JAM3: variants seen among roughly 807,000 people sequenced by gnomAD.
JAM3 encodes the protein junctional adhesion molecule C.
In JAM3, 31 loss-of-function variants were observed where a neutral mutation model predicts 39.4. The observed-to-expected ratio is 0.79, with a 90% CI of 0.59 to 1.06. The LOEUF is 1.06. Among genes scored for constraint, JAM3 ranks in the 50% least tolerant of loss-of-function variants. The probability of loss-of-function intolerance (pLI) is 0.00; values close to 1 mark genes in which losing one functional copy is unlikely to be tolerated. For missense variants in JAM3, 455 were observed against 391.4 expected (o/e 1.16, Z -1.37); for synonymous variants, 182 against 148.7 (o/e 1.22, Z -1.63).
chr11:134,134,549 G>A (rs1342541072), intron 1 of JAM3, among the ~76,000 whole-genome samples: 4 of 152,120 alleles, frequency 2.6e-5, no homozygotes, highest in African/African-American at 9.7e-5. Flanking sequence ...TATTTGGATT[G>A]TATAGTAATT....
chr11:134,149,657 C>T lies in JAM3; in HGVS notation c.*476C>T, dbSNP rs749074392. 3.7e-5 allele frequency: 17 copies of T among 457,650 alleles called. No homozygotes were observed. The highest frequency in any genetic ancestry group is 2.3e-4 in the South Asian group (15 of 64,590). 28.3% of individuals were successfully genotyped at this position (457,650 alleles called of 1,614,324 possible). A position where few individuals can be genotyped will look rare whatever the true frequency, so the allele number is the denominator to read the frequency against. ...TTCTTACACAGCAGCCTTACTTCAT[C>T]GGCCCACAGACACCACCGCAGTTTC... On this transcript the variant is annotated 3_prime_UTR_variant, in exon 9 of 9. Coordinates refer to ENST00000299106, the MANE Select transcript of JAM3 (RefSeq NM_032801.5).
intron 3 of JAM3, among the ~76,000 whole-genome samples, chr11:134,141,848 C>A (rs1416660549): frequency 6.6e-6 from 1 of 151,908 alleles, no homozygotes; most frequent in Non-Finnish European, 1.5e-5. Context: ...GGTACACATG[C>A]AGGCTCGTGC....
chr11:134,145,043 A>G (rs1403426558), intron 5 of JAM3, 49 bp downstream of exon 5: 6 of 1,406,112 alleles, frequency 4.3e-6, no homozygotes, highest in Non-Finnish European at 6.1e-6. Context: ...TGTTGGGGCA[A>G]GAGATGCTTA....
intron 1 of JAM3, among the ~76,000 whole-genome samples, chr11:134,082,685 A>G (rs1016551471): frequency 1.3e-5 from 2 of 152,062 alleles, no homozygotes; most frequent in African/African-American, 4.8e-5. Context: ...TGATAAACCT[A>G]TTTCTTTTGC....
At chr11:134,108,008 T>A (rs1942232068) in intron 1 of JAM3, among the ~76,000 whole-genome samples, 1 of 151,494 alleles carries the variant, frequency 6.6e-6, no homozygotes, top group Non-Finnish European at 1.5e-5. Context: ...AACCAGTAAG[T>A]CCAAAAGCTG....
intron 1 of JAM3, among the ~76,000 whole-genome samples, chr11:134,090,727 T>C (rs932084458): frequency 1.3e-5 from 2 of 152,210 alleles, no homozygotes; most frequent in Admixed American, 1.3e-4. Context: ...TGTCTATCTT[T>C]TGAAAACTCC....
chr11:134,107,570 G>T (rs557031142), intron 1 of JAM3, among the ~76,000 whole-genome samples: 1 of 152,274 alleles, frequency 6.6e-6, no homozygotes, highest in South Asian at 2.1e-4. Context: ...CACTAAAGCA[G>T]TAACTAGGGT....
chr11:134,076,351 C>A (rs1228934201), intron 1 of JAM3, among the ~76,000 whole-genome samples: 2 of 151,934 alleles, frequency 1.3e-5, no homozygotes, highest in East Asian at 3.9e-4. Flanking sequence ...GATGGGGTTT[C>A]TCCATGTTGA....
At chr11:134,145,338 G>A (rs776448622) in intron 5 of JAM3, 2 of 411,856 alleles carry the variant, frequency 4.9e-6, no homozygotes, top group South Asian at 2.2e-5. Flanking sequence ...TTAAGCAACT[G>A]TTCATTGCTT....
chr11:134,078,807 G>C (rs917524705), intron 1 of JAM3, among the ~76,000 whole-genome samples: 21 of 152,190 alleles, frequency 1.4e-4, no homozygotes, highest in African/African-American at 4.8e-4. Context: ...GGGAGGCCAA[G>C]GCAGGTGGAT....
chr11:134,132,408 C>G (rs890184236), intron 1 of JAM3, among the ~76,000 whole-genome samples: 6 of 152,066 alleles, frequency 3.9e-5, no homozygotes, highest in Admixed American at 1.3e-4. Flanking sequence ...CACCAGACCT[C>G]TATAGGAAAT....
At chr11:134,144,114 A>G (rs1943025485) in intron 3 of JAM3, 127 bp from the exon 4 acceptor site, 1 of 875,992 alleles carries the variant, frequency 1.1e-6, no homozygotes, top group Non-Finnish European at 1.9e-6. Flanking sequence ...GTACTCGGGA[A>G]TAGAAATAAA....
At chr11:134,132,361 C>T (rs936875210) in intron 1 of JAM3, among the ~76,000 whole-genome samples, 3 of 152,122 alleles carry the variant, frequency 2.0e-5, no homozygotes, top group East Asian at 1.9e-4. Context: ...GAAGTTAAGA[C>T]ATTGCCAGAT....
intron 1 of JAM3, among the ~76,000 whole-genome samples, chr11:134,088,728 T>C (rs1271362093): frequency 9.3e-6 from 1 of 107,354 alleles, no homozygotes; most frequent in Non-Finnish European, 1.8e-5. Context: ...AAAATGTCAC[T>C]TAATTGGGCT....
chr11:134,123,953 A>G (rs1942588451), intron 1 of JAM3: 3 of 1,493,822 alleles, frequency 2.0e-6, no homozygotes, highest in South Asian at 1.1e-5. Context: ...ACTGAACTGC[A>G]TCTTCGTACT....
intron 1 of JAM3, among the ~76,000 whole-genome samples, chr11:134,107,260 C>T (rs1048667266): frequency 1.3e-5 from 2 of 152,050 alleles, no homozygotes; most frequent in African/African-American, 4.8e-5. Flanking sequence ...CATGTTGTCA[C>T]TCATAGGTGG....
intron 1 of JAM3, among the ~76,000 whole-genome samples, chr11:134,092,525 TTCA>T (rs1941886119): frequency 6.7e-6 from 1 of 149,346 alleles, no homozygotes; most frequent in South Asian, 2.2e-4. Context: ...GCCCTCTTTA[TTCA>T]TCATGTTCCA....
chr11:134,112,089 A>AATTT (rs1360223728), intron 1 of JAM3, among the ~76,000 whole-genome samples: 2 of 152,108 alleles, frequency 1.3e-5, no homozygotes, highest in African/African-American at 4.8e-5. Context: ...ACGGTAAAGC[A>AATTT]ATTTATTTAT....
At chr11:134,143,431 ACT>A (rs1943010928) in intron 3 of JAM3, among the ~76,000 whole-genome samples, 1 of 152,158 alleles carries the variant, frequency 6.6e-6, no homozygotes, top group South Asian at 2.1e-4. Flanking sequence ...ACAGGATCTC[ACT>A]GTGTTGCACA....
Sources: gnomAD v4.1 joint callset for allele counts (sites outside exome capture counted in the v4.1 genomes callset) on GRCh38, gnomAD v4.1.1 for gene constraint, MANE v1.5 for transcripts, NCBI Gene and HGNC (gene_info 2026-07-23, HGNC 2026-07-21) for gene names.